STAC: variants seen among roughly 807,000 people sequenced by gnomAD.
STAC encodes the protein SH3 and cysteine-rich domain-containing protein.
STAC carries 43 observed loss-of-function variants against 48.8 expected under a neutral mutation model. That is an observed-to-expected ratio of 0.88 (90% CI 0.69 to 1.14). The LOEUF is 1.14. STAC is among the 50% of genes most tolerant of loss of function. The probability of loss-of-function intolerance (pLI) is 0.00; values close to 1 mark genes in which losing one functional copy is unlikely to be tolerated. For missense variants in STAC, 497 were observed against 504.0 expected (o/e 0.99, Z 0.13); for synonymous variants, 193 against 179.5 (o/e 1.07, Z -0.60).
intron 2 of STAC, among the ~76,000 whole-genome samples, chr3:36,482,501 C>G (rs1242530652): frequency 6.6e-6 from 1 of 152,198 alleles, no homozygotes; most frequent in Non-Finnish European, 1.5e-5. Flanking sequence ...ATTGAGTCCT[C>G]TCTCCCCTTC....
intron 1 of STAC, among the ~76,000 whole-genome samples, chr3:36,399,480 A>G (rs1575175565): frequency 6.6e-6 from 1 of 152,222 alleles, no homozygotes; most frequent in East Asian, 1.9e-4. Flanking sequence ...ACACTGAGTA[A>G]CATAGCAGAA....
chr3:36,498,805 T>C (rs1484031819), intron 6 of STAC, among the ~76,000 whole-genome samples: 3 of 152,072 alleles, frequency 2.0e-5, no homozygotes, highest in Non-Finnish European at 4.4e-5. Context: ...TGTAAGAACA[T>C]ACTTGTGGAG....
At chr3:36,406,475 C>A (rs1700090282) in intron 1 of STAC, among the ~76,000 whole-genome samples, 2 of 152,190 alleles carry the variant, frequency 1.3e-5, no homozygotes, top group Non-Finnish European at 2.9e-5. Context: ...TTGATTGAGG[C>A]TGCCCCATTC....
intron 1 of STAC, among the ~76,000 whole-genome samples, chr3:36,424,549 G>A (rs532517124): frequency 4.5e-4 from 68 of 152,194 alleles, no homozygotes; most frequent in Middle Eastern, 3.4e-3. Context: ...AGCAATAAGT[G>A]CATCTAGTGC....
At position 36,438,897 on chromosome 3, in the gene STAC, C is replaced by T. The variant is rs549882083; in HGVS notation, c.112-4467C>T. Among the ~76,000 whole-genome samples, 7 of 152,334 alleles carry T rather than the reference C, an allele frequency of 4.6e-5. No homozygotes were observed. The East Asian group carries it at 1.3e-3, about 29-fold the overall frequency. On this transcript the variant is annotated intron_variant, in intron 1 of 10. Coordinates refer to ENST00000273183, the MANE Select transcript of STAC (RefSeq NM_003149.3). ...AGAGGCCAAGCAGTGACATTTGATG[C>T]TTTCCTTTGATAAACAGGGCATGCA... is the stretch of plus-strand genomic sequence containing the variant.
chr3:36,444,014 C>T (rs1234831932), intron 2 of STAC, among the ~76,000 whole-genome samples: 2 of 152,140 alleles, frequency 1.3e-5, no homozygotes, highest in Admixed American at 1.3e-4. Context: ...CAAAAAAAAG[C>T]CGATGTCTGT....
At chr3:36,489,427 G>A (rs536271943) in intron 5 of STAC, among the ~76,000 whole-genome samples, 1 of 152,320 alleles carries the variant, frequency 6.6e-6, no homozygotes, top group African/African-American at 2.4e-5. Flanking sequence ...GCTCTGTCCA[G>A]ACATTCAAAC....
At chr3:36,441,084 T>C (rs534919803) in intron 1 of STAC, among the ~76,000 whole-genome samples, 3 of 152,354 alleles carry the variant, frequency 2.0e-5, no homozygotes, top group South Asian at 4.1e-4. Context: ...TTATCATTTT[T>C]TTGTGTTGGG....
chr3:36,472,481 T>C (rs1339874420), intron 2 of STAC, among the ~76,000 whole-genome samples: 2 of 152,252 alleles, frequency 1.3e-5, no homozygotes, highest in African/African-American at 4.8e-5. Context: ...TTCTTTTCTA[T>C]AGCATAGTGC....
At chr3:36,516,173 G>A (rs574933456) in intron 8 of STAC, among the ~76,000 whole-genome samples, 13 of 151,688 alleles carry the variant, frequency 8.6e-5, no homozygotes, top group South Asian at 8.4e-4. Context: ...TAGTAGAAAC[G>A]GGGTTTCATC....
intron 1 of STAC, among the ~76,000 whole-genome samples, chr3:36,430,828 G>A (rs1040502878): frequency 3.9e-5 from 6 of 152,256 alleles, no homozygotes; most frequent in African/African-American, 1.2e-4. Context: ...TTTTTCCTCT[G>A]TGTGTCCAAA....
Position 36,430,353 on chromosome 3 carries a change from T to G in STAC, c.112-13011T>G, listed in dbSNP as rs192656450. ...GAATATTGAGCTCTATGTGGAGAAGTCAGGGAGAGCCTGAGGCAGGGCATT... is the reference window on the plus strand; with the variant it reads ...GAATATTGAGCTCTATGTGGAGAAGGCAGGGAGAGCCTGAGGCAGGGCATT... On this transcript the variant is annotated intron_variant, in intron 1 of 10. Coordinates refer to ENST00000273183, the MANE Select transcript of STAC (RefSeq NM_003149.3). Among the ~76,000 whole-genome samples the G allele has an allele frequency of 8.6e-4, 131 of 152,218 alleles. 1 individual carries two copies. Among genetic ancestry groups the G allele is most frequent in the Admixed American group, 1.8e-3 (27 of 15,290 alleles).
intron 2 of STAC, among the ~76,000 whole-genome samples, chr3:36,469,533 C>G (rs546681185): frequency 3.3e-4 from 51 of 152,276 alleles, no homozygotes; most frequent in African/African-American, 1.2e-3. Context: ...CTTGACTTTA[C>G]ATAAACTGAT....
intron 1 of STAC, among the ~76,000 whole-genome samples, chr3:36,406,675 T>C (rs546520631): frequency 1.8e-4 from 27 of 152,338 alleles, no homozygotes; most frequent in Non-Finnish European, 3.1e-4. Context: ...CCACTGCCTG[T>C]TTTGTAAATA....
At chr3:36,412,819 G>T (rs1700227362) in intron 1 of STAC, among the ~76,000 whole-genome samples, 1 of 152,042 alleles carries the variant, frequency 6.6e-6, no homozygotes, top group Non-Finnish European at 1.5e-5. Flanking sequence ...TTTGCAGTAT[G>T]TCTTAAAATC....
chr3:36,389,652 A>G (rs1699708693), intron 1 of STAC, among the ~76,000 whole-genome samples: 1 of 152,222 alleles, frequency 6.6e-6, no homozygotes, highest in East Asian at 1.9e-4. Flanking sequence ...AATCATTTAT[A>G]TTCCATTTCT....
At chr3:36,508,963 T>C (rs1002742897) in intron 8 of STAC, among the ~76,000 whole-genome samples, 2 of 152,218 alleles carry the variant, frequency 1.3e-5, no homozygotes, top group African/African-American at 4.8e-5. Flanking sequence ...GTCATTATGA[T>C]GCTAGCTGGT....
At chr3:36,427,855 T>G (rs1053210589) in intron 1 of STAC, among the ~76,000 whole-genome samples, 24 of 152,152 alleles carry the variant, frequency 1.6e-4, no homozygotes, top group African/African-American at 5.6e-4. Context: ...GGACACAGCA[T>G]CACTTCTATG....
chr3:36,502,494 G>A (rs1559515947), intron 6 of STAC, among the ~76,000 whole-genome samples: 1 of 152,134 alleles, frequency 6.6e-6, no homozygotes, highest in African/African-American at 2.4e-5. Flanking sequence ...TACACATTTT[G>A]AGCCAGATGG....
Sources: allele counts gnomAD v4.1 joint callset (sites outside exome capture counted in the v4.1 genomes callset), GRCh38; gene constraint gnomAD v4.1.1; transcripts MANE v1.5; gene names NCBI Gene and HGNC (gene_info 2026-07-23, HGNC 2026-07-21).